The following ARHGEF3 variants were observed in gnomAD, a reference collection of about 807,000 sequenced individuals.
ARHGEF3 encodes the protein 59.8 kDA protein.
Under a neutral mutation model 63.2 loss-of-function variants are expected in ARHGEF3, and 28 were observed. That is an observed-to-expected ratio of 0.44 (90% CI 0.33 to 0.61). The LOEUF (loss-of-function observed/expected upper bound fraction) is 0.61, where lower values mean the gene tolerates loss of function less well. Among genes scored for constraint, ARHGEF3 ranks in the 20% least tolerant of loss-of-function variants. The pLI is 0.03. For synonymous variants in ARHGEF3, 266 were observed against 254.2 expected (o/e 1.05, Z -0.44); for missense variants, 533 against 659.3 (o/e 0.81, Z 2.10).
At chr3:57,045,243 G>T (rs1288541328) in intron 1 of ARHGEF3, among the ~76,000 whole-genome samples, 1 of 152,182 alleles carries the variant, frequency 6.6e-6, no homozygotes, top group Non-Finnish European at 1.5e-5. Context: ...CTCCAGCCTG[G>T]GTGATAAGAG....
chr3:56,855,030 G>C (rs1450333766), intron 4 of ARHGEF3, among the ~76,000 whole-genome samples: 1 of 152,068 alleles, frequency 6.6e-6, no homozygotes, highest in African/African-American at 2.4e-5. Flanking sequence ...CACTAGATAT[G>C]GCCATGGCAA....
chr3:56,968,205 AAAATATATAT>A (rs1700714466), intron 2 of ARHGEF3, among the ~76,000 whole-genome samples: 3 of 21,210 alleles, frequency 1.4e-4, no homozygotes, highest in Admixed American at 1.3e-3. Context: ...ATAATATATA[AAAATATATAT>A]TATATATAAT....
At chr3:56,839,857 G>A (rs1309140220) in intron 4 of ARHGEF3, among the ~76,000 whole-genome samples, 1 of 151,990 alleles carries the variant, frequency 6.6e-6, no homozygotes. Flanking sequence ...AGGAAGGGAG[G>A]GTCTGGTCCC....
chr3:57,072,259 T>C (rs576323669), intron 1 of ARHGEF3, among the ~76,000 whole-genome samples: 2 of 152,288 alleles, frequency 1.3e-5, no homozygotes, highest in African/African-American at 4.8e-5. Context: ...ATTCCACTGC[T>C]AGATATATAT....
Position 56,729,234 on chromosome 3 carries a change from G to C in ARHGEF3, c.*36C>G. On this transcript the variant is annotated 3_prime_UTR_variant, in exon 10 of 10. Coordinates refer to ENST00000296315, the MANE Select transcript of ARHGEF3 (RefSeq NM_019555.3). The stretch of plus-strand genomic sequence containing the variant: ...TGGAATGCAAATACTGTACAGGTAA[G>C]ATGCAGGCCTGCTTCCCGAAGTGCA... The C allele has an allele frequency of 1.9e-6, 3 of 1,563,042 alleles. No individual in the cohort carries two copies. The highest frequency in any genetic ancestry group is 2.6e-6 in the Non-Finnish European group (3 of 1,147,304).
At chr3:57,036,787 C>A (rs1264023516) in intron 1 of ARHGEF3, among the ~76,000 whole-genome samples, 3 of 152,210 alleles carry the variant, frequency 2.0e-5, no homozygotes, top group African/African-American at 4.8e-5. Flanking sequence ...TAAGCTAGTG[C>A]TGGCTGAATG....
Position 57,042,678 on chromosome 3 carries a change from ATATATATATATATATATATATAT to A in ARHGEF3, c.-27-7525_-27-7503del, listed in dbSNP as rs1344528871. Among the ~76,000 whole-genome samples, 8 of 28,818 alleles carry A rather than the reference ATATATATATATATATATATATAT, an allele frequency of 2.8e-4. 1 individual carries two copies. Among genetic ancestry groups the A allele is most frequent in the East Asian group, 1.8e-3 (2 of 1,124 alleles). The allele number at this position is 28,818 out of a possible 152,430, so 18.9% of individuals were successfully genotyped here. A position where few individuals can be genotyped will look rare whatever the true frequency, so the allele number is the denominator to read the frequency against. On this transcript the variant is annotated intron_variant, in intron 1 of 12. Transcript: ENST00000338458. ...TATATATATATATATATATATATAT[ATATATATATATATATATATATAT>A]TTTTTTTTTTTTTTAGACGGAGTCT...
chr3:56,777,430 A>G (rs1482080936), intron 1 of ARHGEF3, among the ~76,000 whole-genome samples: 1 of 152,266 alleles, frequency 6.6e-6, no homozygotes, highest in Non-Finnish European at 1.5e-5. Context: ...AGGAGAATAA[A>G]ACACTATGCA....
At chr3:57,043,219 C>T (rs185422512) in intron 1 of ARHGEF3, among the ~76,000 whole-genome samples, 149 of 151,682 alleles carry the variant, frequency 9.8e-4, no homozygotes, top group African/African-American at 3.4e-3. Context: ...TGTGTTCAAG[C>T]GATTCTCCTG....
At chr3:57,008,686 G>A (rs1702566006) in intron 2 of ARHGEF3, among the ~76,000 whole-genome samples, 1 of 152,000 alleles carries the variant, frequency 6.6e-6, no homozygotes, top group Non-Finnish European at 1.5e-5. Context: ...TGGCCAGGCC[G>A]GTCTTGAACT....
intron 2 of ARHGEF3, among the ~76,000 whole-genome samples, chr3:56,997,302 C>T (rs1473372344): frequency 1.3e-5 from 2 of 152,166 alleles, no homozygotes; most frequent in Non-Finnish European, 2.9e-5. Context: ...CTAGCCTGTC[C>T]ACTCACATGC....
chr3:56,759,729 A>G (rs2035313030), intron 2 of ARHGEF3, among the ~76,000 whole-genome samples: 1 of 151,768 alleles, frequency 6.6e-6, no homozygotes, highest in Admixed American at 6.6e-5. Flanking sequence ...TTGATTTAGT[A>G]GACATGGGGT....
chr3:56,972,721 T>G (rs1423722832), intron 2 of ARHGEF3, among the ~76,000 whole-genome samples: 3 of 150,308 alleles, frequency 2.0e-5, no homozygotes, highest in African/African-American at 4.9e-5. Context: ...GAGCGGAGAG[T>G]CACAGAAGGA....
chr3:57,019,263 T>C (rs760905229), intron 2 of ARHGEF3, among the ~76,000 whole-genome samples: 25 of 152,178 alleles, frequency 1.6e-4, no homozygotes, highest in Non-Finnish European at 3.7e-4. Context: ...GAGGGCTCTG[T>C]AGGTGGCCAT....
At chr3:56,861,096 T>C (rs115803784) in intron 4 of ARHGEF3, among the ~76,000 whole-genome samples, 2,323 of 152,330 alleles carry the variant, frequency 0.015, 56 homozygotes, top group African/African-American at 0.052. Flanking sequence ...AGAAACCATG[T>C]CGGCTTTAGC....
chr3:57,030,228 C>T (rs1224722770), intron 2 of ARHGEF3, among the ~76,000 whole-genome samples: 1 of 152,212 alleles, frequency 6.6e-6, no homozygotes, highest in Non-Finnish European at 1.5e-5. Context: ...CGGGGAGGGC[C>T]TGGGCCGGAT....
intron 7 of ARHGEF3, among the ~76,000 whole-genome samples, chr3:56,741,358 T>C (rs942743455): frequency 6.6e-6 from 1 of 151,584 alleles, no homozygotes; most frequent in African/African-American, 2.4e-5. Flanking sequence ...GCTAATTTTG[T>C]ATTTTTAGTA....
intron 1 of ARHGEF3, among the ~76,000 whole-genome samples, chr3:57,048,618 G>A (rs964499916): frequency 7.9e-5 from 12 of 152,264 alleles, no homozygotes; most frequent in Admixed American, 5.9e-4. Context: ...AGGAGCAGCT[G>A]TGCCCCACGC....
At chr3:56,952,615 T>C (rs1166163839) in intron 3 of ARHGEF3, among the ~76,000 whole-genome samples, 2 of 152,190 alleles carry the variant, frequency 1.3e-5, no homozygotes, top group Non-Finnish European at 2.9e-5. Flanking sequence ...ACCCACCTCT[T>C]AAGATTTTTC....
Sources: gnomAD v4.1 joint callset for allele counts (sites outside exome capture counted in the v4.1 genomes callset) on GRCh38, gnomAD v4.1.1 for gene constraint, MANE v1.5 for transcripts, NCBI Gene and HGNC (gene_info 2026-07-23, HGNC 2026-07-21) for gene names.